The following GARIN1A variants were observed in gnomAD, a reference collection of about 807,000 sequenced individuals.
GARIN1A encodes the protein golgi associated RAB2 interactor 1A.
At chr7:128,680,072 C>G in the GARIN1A span, 1 of 1,582,450 alleles carries the variant, frequency 6.3e-7, no homozygotes, top group East Asian at 2.3e-5. Context: ...CCAGCGAGCC[C>G]CTCGTGCTGC....
chr7:128,692,213 C>T, the GARIN1A span, among the ~76,000 whole-genome samples: 2 of 152,168 alleles, frequency 1.3e-5, no homozygotes, highest in African/African-American at 2.4e-5. Flanking sequence ...ATGGAAGCTG[C>T]GTAGGGAAAC....
At chr7:128,700,982 C>T in the GARIN1A span, among the ~76,000 whole-genome samples, 1 of 152,072 alleles carries the variant, frequency 6.6e-6, no homozygotes, top group Non-Finnish European at 1.5e-5. Flanking sequence ...CCCACAGATA[C>T]CAAATCTACA....
At chr7:128,679,156 A>G in the GARIN1A span, among the ~76,000 whole-genome samples, 1 of 150,482 alleles carries the variant, frequency 6.6e-6, no homozygotes, top group East Asian at 2.0e-4. Flanking sequence ...CCATTTTTCT[A>G]TTGGCAATCT....
At chr7:128,707,220 A>ATGTGTGTGTATGTATGTGTG in the GARIN1A span, among the ~76,000 whole-genome samples, 1 of 147,186 alleles carries the variant, frequency 6.8e-6, no homozygotes, top group Non-Finnish European at 1.5e-5. Context: ...GTGTGTATGT[A>ATGTGTGTGTATGTATGTGTG]TGTGTGTGTG....
chr7:128,676,604 A>G, the GARIN1A span, among the ~76,000 whole-genome samples: 1 of 152,056 alleles, frequency 6.6e-6, no homozygotes. Flanking sequence ...TTCTTTGTCA[A>G]TATAGATAGA....
At chr7:128,704,448 G>A in the GARIN1A span, among the ~76,000 whole-genome samples, 1 of 152,032 alleles carries the variant, frequency 6.6e-6, no homozygotes, top group Non-Finnish European at 1.5e-5. Flanking sequence ...GGGATTACAG[G>A]CATGTGCCAC....
chr7:128,674,281 T>G, the GARIN1A span, among the ~76,000 whole-genome samples: 1,137 of 152,206 alleles, frequency 7.5e-3, 12 homozygotes, highest in African/African-American at 0.026. Flanking sequence ...AGTTCAAAGT[T>G]TGATTTTTTA....
At chr7:128,689,893 C>G in the GARIN1A span, among the ~76,000 whole-genome samples, 5 of 150,992 alleles carry the variant, frequency 3.3e-5, no homozygotes, top group African/African-American at 9.9e-5. Context: ...CGGCCACCAC[C>G]CCGTCTGGGA....
chr7:128,708,622 G>C, the GARIN1A span, among the ~76,000 whole-genome samples: 2 of 152,144 alleles, frequency 1.3e-5, no homozygotes, highest in South Asian at 2.1e-4. Flanking sequence ...AATTTGGGGA[G>C]AGGGAGGGAG....
chr7:128,694,920 GCTCTTTTCTGGA>G, the GARIN1A span, among the ~76,000 whole-genome samples: 30 of 152,180 alleles, frequency 2.0e-4, no homozygotes, highest in Non-Finnish European at 3.8e-4. Flanking sequence ...GCTTTGCTCA[GCTCTTTTCTGGA>G]CTCCTTTCTT....
chr7:128,676,607 T>C, the GARIN1A span, among the ~76,000 whole-genome samples: 1,440 of 152,068 alleles, frequency 9.5e-3, 9 homozygotes, highest in Non-Finnish European at 0.016. Context: ...TTTGTCAATA[T>C]AGATAGAGGG....
At chr7:128,682,697 C>A in the GARIN1A span, among the ~76,000 whole-genome samples, 2 of 152,134 alleles carry the variant, frequency 1.3e-5, no homozygotes, top group African/African-American at 4.8e-5. Flanking sequence ...CATGCCTCAG[C>A]CTCCCGAGTA....
At chr7:128,703,290 G>C in the GARIN1A span, among the ~76,000 whole-genome samples, 1 of 152,094 alleles carries the variant, frequency 6.6e-6, no homozygotes, top group African/African-American at 2.4e-5. Context: ...ACCACATTTT[G>C]GGCCATAAAA....
the GARIN1A span, among the ~76,000 whole-genome samples, chr7:128,699,266 C>CG: frequency 7.1e-6 from 1 of 141,050 alleles, no homozygotes; most frequent in East Asian, 2.1e-4. Context: ...TGCTGCCCCC[C>CG]CCCCCCCACC....
At chr7:128,695,526 A>G in the GARIN1A span, among the ~76,000 whole-genome samples, 1 of 152,074 alleles carries the variant, frequency 6.6e-6, no homozygotes, top group Non-Finnish European at 1.5e-5. The surrounding 1 kb of genome is among the most constrained non-coding windows in gnomAD (Gnocchi z 4.5). Flanking sequence ...CCACCTGAAC[A>G]TTTTTAAATT....
the GARIN1A span, among the ~76,000 whole-genome samples, chr7:128,689,814 G>A: frequency 1.0e-4 from 15 of 147,226 alleles, no homozygotes; most frequent in South Asian, 1.5e-3. Context: ...CCAGCCAGCC[G>A]CCCCGTCCGG....
chr7:128,671,645 CAAAA>C, the GARIN1A span, among the ~76,000 whole-genome samples: 1 of 120,226 alleles, frequency 8.3e-6, no homozygotes, highest in African/African-American at 3.1e-5. Context: ...AACTCTGTCT[CAAAA>C]AAAAAAAAAA....
At chr7:128,703,467 C>T in the GARIN1A span, among the ~76,000 whole-genome samples, 1 of 152,118 alleles carries the variant, frequency 6.6e-6, no homozygotes, top group African/African-American at 2.4e-5. Flanking sequence ...AGTTTGCGCC[C>T]AGCTGAATGA....
At chr7:128,694,363 C>T in the GARIN1A span, among the ~76,000 whole-genome samples, 1 of 151,952 alleles carries the variant, frequency 6.6e-6, no homozygotes, top group Non-Finnish European at 1.5e-5. Context: ...GAAACCCCGT[C>T]TCTACTAAAA....
Sources: gnomAD v4.1 joint callset for allele counts (sites outside exome capture counted in the v4.1 genomes callset) on GRCh38, gnomAD v4.1.1 for gene constraint, Gnocchi (gnomAD v3.1) non-coding constraint, MANE v1.5 for transcripts, NCBI Gene and HGNC (gene_info 2026-07-23, HGNC 2026-07-21) for gene names.